Variants in SWAP70 observed in about 807,000 individuals in gnomAD.
The protein encoded by SWAP70 is switching B cell complex subunit SWAP70, also known as switch-associated protein 70.
A neutral mutation model predicts 80.2 loss-of-function variants in SWAP70; 34 were observed. The ratio of observed to expected loss-of-function variants is 0.42; its 90% confidence interval spans 0.32 to 0.56. SWAP70 has a LOEUF of 0.56. Ranked by LOEUF, SWAP70 falls within the 20% of genes least tolerant of loss-of-function variation. SWAP70 has a pLI of 0.09. For synonymous variants in SWAP70, 239 were observed against 238.5 expected (o/e 1.00, Z -0.02); for missense variants, 578 against 690.7 (o/e 0.84, Z 1.83).
In SWAP70 at chr11:9,749,196, ATG is replaced by A; in HGVS notation, c.1651+14_1651+15del. Reference sequence around the variant, plus strand: ...CTGATAGAACCAGGTAACAGACTCTATGAAGTAATCATATATTTATTTTTATT... The same window carrying A: ...CTGATAGAACCAGGTAACAGACTCTAAAGTAATCATATATTTATTTTTATT... On this transcript the variant is annotated intron_variant, in intron 11 of 11. Coordinates refer to ENST00000318950, the MANE Select transcript of SWAP70 (RefSeq NM_015055.4). 7.1e-7 allele frequency: 1 copy of A among 1,408,442 alleles called. No individual in the cohort carries two copies. Among genetic ancestry groups the A allele is most frequent in the Non-Finnish European group, 9.6e-7 (1 of 1,044,946 alleles). 87.2% of individuals were successfully genotyped at this position (1,408,442 alleles called of 1,614,324 possible).
intron 7 of SWAP70, among the ~76,000 whole-genome samples, chr11:9,733,839 T>C (rs1051181153): frequency 6.6e-6 from 1 of 152,168 alleles, no homozygotes; most frequent in Non-Finnish European, 1.5e-5. Context: ...TTTTATAATT[T>C]TAAAATTATA....
chr11:9,666,005 T>C (rs1306807064), intron 1 of SWAP70, among the ~76,000 whole-genome samples: 1 of 151,980 alleles, frequency 6.6e-6, no homozygotes, highest in African/African-American at 2.4e-5. Context: ...GGGCTACCAT[T>C]TTATTATAAT....
At chr11:9,698,093 GTTTTTTGTTTTTTTTT>G (rs1850782611) in intron 2 of SWAP70, among the ~76,000 whole-genome samples, 2 of 109,584 alleles carry the variant, frequency 1.8e-5, no homozygotes, top group South Asian at 6.9e-4. Flanking sequence ...GCCAATACAT[GTTTTTTGTTTTTTTTT>G]TTTTTTTTTG....
chr11:9,720,309 A>T, intron 3 of SWAP70: 1 of 985,440 alleles, frequency 1.0e-6, no homozygotes, highest in Non-Finnish European at 1.2e-6. Flanking sequence ...GGTGCTAATG[A>T]CAACTTCATA....
intron 5 of SWAP70, among the ~76,000 whole-genome samples, chr11:9,728,509 A>G (rs1851254978): frequency 6.6e-6 from 1 of 152,242 alleles, no homozygotes; most frequent in Non-Finnish European, 1.5e-5. Context: ...GAGATAATAA[A>G]GTAAAAAAAA....
In SWAP70 at chr11:9,687,805, A is replaced by C. The variant is rs143333856; in HGVS notation, c.100-6341A>C. ...AGGAAAATATTTATTTCCTCCCTTC[A>C]ATAAGGGAGGATATTTGATAAGTTA... On this transcript the variant is annotated intron_variant, in intron 1 of 11. Transcript: ENST00000318950. Among the ~76,000 whole-genome samples, 39 of 152,328 alleles carry C rather than the reference A, an allele frequency of 2.6e-4. No individual in the cohort carries two copies. The Middle Eastern group carries it at 0.017, about 66-fold the overall frequency.
intron 1 of SWAP70, among the ~76,000 whole-genome samples, chr11:9,675,320 CGA>C (rs111414369): frequency 9.5e-5 from 3 of 31,486 alleles, no homozygotes; most frequent in Admixed American, 4.3e-4. Context: ...AGAGAGGGAG[CGA>C]GAGAGAGAGA....
chr11:9,671,391 T>A (rs1226696300), intron 1 of SWAP70, among the ~76,000 whole-genome samples: 2 of 104,044 alleles, frequency 1.9e-5, no homozygotes, highest in African/African-American at 4.2e-5. Flanking sequence ...AATATATAAA[T>A]ATATATAAAT....
At position 9,664,286 on chromosome 11, in the gene SWAP70, C is replaced by T; in HGVS notation, c.99+8C>T. ...TCCAAGTCCCAGCTCAAGGTGGGCG[C>T]CTCCTGACCCGGCCCCCCACCCGAC... On this transcript the variant is annotated splice_region_variant and intron_variant, in intron 1 of 11. Coordinates refer to ENST00000318950, the MANE Select transcript of SWAP70 (RefSeq NM_015055.4). 1.9e-6 allele frequency: 3 copies of T among 1,559,198 alleles called. No individual in the cohort carries two copies. The highest frequency in any genetic ancestry group is 2.6e-6 in the Non-Finnish European group (3 of 1,152,840).
intron 2 of SWAP70, among the ~76,000 whole-genome samples, chr11:9,707,493 CCTT>C (rs1850930547): frequency 6.6e-6 from 1 of 151,498 alleles, no homozygotes; most frequent in African/African-American, 2.4e-5. Flanking sequence ...GAGAGCATTT[CCTT>C]CTTTTTTTAA....
chr11:9,686,266 A>T (rs1850630597), intron 1 of SWAP70, among the ~76,000 whole-genome samples: 1 of 151,990 alleles, frequency 6.6e-6, no homozygotes, highest in East Asian at 1.9e-4. Context: ...ATATACACAT[A>T]TGTAAATACA....
At chr11:9,719,442 G>A (rs181003045) in intron 3 of SWAP70, among the ~76,000 whole-genome samples, 16 of 152,230 alleles carry the variant, frequency 1.1e-4, no homozygotes, top group Non-Finnish European at 2.2e-4. Flanking sequence ...CAGCTATATG[G>A]GAGGTTGAGG....
intron 1 of SWAP70, among the ~76,000 whole-genome samples, chr11:9,666,610 C>A (rs970595979): frequency 2.0e-5 from 3 of 152,056 alleles, no homozygotes; most frequent in South Asian, 2.1e-4. Context: ...ACATTGAAAT[C>A]CCCATCAGAC....
intron 1 of SWAP70, among the ~76,000 whole-genome samples, chr11:9,671,733 T>TTTATAA (rs1565109819): frequency 2.8e-5 from 2 of 71,896 alleles, no homozygotes; most frequent in East Asian, 3.1e-4. Context: ...TATATTTCTA[T>TTTATAA]GTATACATAG....
chr11:9,723,751 GTTAT>G (rs1851169899), intron 3 of SWAP70, among the ~76,000 whole-genome samples: 1 of 143,994 alleles, frequency 6.9e-6, no homozygotes, highest in Admixed American at 6.9e-5. Flanking sequence ...TTTAACTGCT[GTTAT>G]TTCTTTCCTT....
intron 3 of SWAP70, among the ~76,000 whole-genome samples, chr11:9,718,170 C>T (rs1050371962): frequency 2.0e-5 from 3 of 152,188 alleles, no homozygotes; most frequent in Non-Finnish European, 4.4e-5. Context: ...AACAGCCTTT[C>T]TTTGATTTGT....
intron 3 of SWAP70, among the ~76,000 whole-genome samples, chr11:9,715,203 T>C (rs1342526353): frequency 6.6e-6 from 1 of 152,076 alleles, no homozygotes; most frequent in Non-Finnish European, 1.5e-5. Context: ...GGTATCAAAC[T>C]CCTGGCCTCA....
chr11:9,679,244 G>A (rs1214466916), intron 1 of SWAP70, among the ~76,000 whole-genome samples: 1 of 152,180 alleles, frequency 6.6e-6, no homozygotes, highest in Non-Finnish European at 1.5e-5. Flanking sequence ...TGATTTGAAG[G>A]AGGAGAATGG....
At chr11:9,740,685 C>T (rs1449537018) in intron 9 of SWAP70, 3 of 352,244 alleles carry the variant, frequency 8.5e-6, no homozygotes, top group Non-Finnish European at 1.6e-5. Flanking sequence ...CTTCAACACG[C>T]TCCAGACCAG....
Sources: gnomAD v4.1 joint callset for allele counts (sites outside exome capture counted in the v4.1 genomes callset) on GRCh38, gnomAD v4.1.1 for gene constraint, MANE v1.5 for transcripts, NCBI Gene and HGNC (gene_info 2026-07-23, HGNC 2026-07-21) for gene names.